The following FOXP1 variants were observed in gnomAD, a reference collection of about 807,000 sequenced individuals.
FOXP1 encodes forkhead box protein P1.
A neutral mutation model predicts 98.2 loss-of-function variants in FOXP1; 15 were observed. That is an observed-to-expected ratio of 0.15 (90% CI 0.10 to 0.24). The LOEUF (loss-of-function observed/expected upper bound fraction) is 0.24, where lower values mean the gene tolerates loss of function less well. Ranked by LOEUF, FOXP1 falls within the 10% of genes least tolerant of loss-of-function variation. The pLI, the probability that FOXP1 is intolerant of heterozygous loss-of-function variation, is 1.00. For missense variants in FOXP1, 633 were observed against 848.5 expected (o/e 0.75, Z 3.15); for synonymous variants, 371 against 314.5 (o/e 1.18, Z -1.90).
chr3:71,207,501 C>T (rs1036296024), intron 5 of FOXP1, among the ~76,000 whole-genome samples: 9 of 152,100 alleles, frequency 5.9e-5, no homozygotes, highest in African/African-American at 2.2e-4. Flanking sequence ...TAATTTTATC[C>T]TTCAAAAACT....
At chr3:71,309,717 C>CT (rs1385354053) in intron 4 of FOXP1, among the ~76,000 whole-genome samples, 1 of 152,152 alleles carries the variant, frequency 6.6e-6, no homozygotes, top group African/African-American at 2.4e-5. Flanking sequence ...AAACTAGCAT[C>CT]TTTTGAATTT....
intron 5 of FOXP1, among the ~76,000 whole-genome samples, chr3:71,261,879 C>G (rs953440460): frequency 6.6e-6 from 1 of 152,082 alleles, no homozygotes; most frequent in South Asian, 2.1e-4. Context: ...ACACAAGTTA[C>G]TTGGAAATAT....
intron 6 of FOXP1, among the ~76,000 whole-genome samples, chr3:71,192,069 T>TC (rs1185555387): frequency 6.6e-6 from 1 of 152,152 alleles, no homozygotes; most frequent in East Asian, 1.9e-4. Context: ...AATACCTTCT[T>TC]CTATGCCCCC....
intron 5 of FOXP1, among the ~76,000 whole-genome samples, chr3:71,216,433 G>A (rs1212533291): frequency 6.6e-6 from 1 of 152,194 alleles, no homozygotes; most frequent in African/African-American, 2.4e-5. Flanking sequence ...ACTCAAGAAT[G>A]TCCAAACAGA....
At chr3:70,979,539 A>G (rs1289131364) in intron 14 of FOXP1, among the ~76,000 whole-genome samples, 2 of 152,084 alleles carry the variant, frequency 1.3e-5, no homozygotes, top group Non-Finnish European at 2.9e-5. Flanking sequence ...CTAAAATCCA[A>G]TAAACTTCAG....
At chr3:70,977,605 C>T (rs766958126) in intron 16 of FOXP1, 38 bp downstream of exon 16, 4 of 1,502,244 alleles carry the variant, frequency 2.7e-6, no homozygotes. Flanking sequence ...ACACATATAC[C>T]TTCTGACAGA....
chr3:71,295,394 A>C (rs1277368314), intron 5 of FOXP1, among the ~76,000 whole-genome samples: 1 of 152,210 alleles, frequency 6.6e-6, no homozygotes, highest in African/African-American at 2.4e-5. Context: ...TTTTTCACCA[A>C]GAAATAATTT....
At chr3:70,999,539 C>T (rs1382546640) in intron 13 of FOXP1, among the ~76,000 whole-genome samples, 3 of 152,060 alleles carry the variant, frequency 2.0e-5, no homozygotes, top group African/African-American at 7.2e-5. Flanking sequence ...TTATGATGTG[C>T]CCTTTTCTTG....
chr3:70,979,279 CAAAAAAAA>C (rs544916383), intron 14 of FOXP1, among the ~76,000 whole-genome samples: 7 of 42,544 alleles, frequency 1.6e-4, no homozygotes, highest in African/African-American at 3.9e-4. Context: ...GACTCTACCT[CAAAAAAAA>C]AAAAAAAAAA....
At chr3:71,468,679 C>T (rs1436160653) in intron 3 of FOXP1, among the ~76,000 whole-genome samples, 1 of 152,204 alleles carries the variant, frequency 6.6e-6, no homozygotes, top group Non-Finnish European at 1.5e-5. Context: ...CCTCTACAGC[C>T]TTTCCCAAAT....
chr3:71,530,432 T>A (rs183486263), intron 2 of FOXP1, among the ~76,000 whole-genome samples: 53 of 152,234 alleles, frequency 3.5e-4, no homozygotes, highest in Admixed American at 3.3e-3. Flanking sequence ...AATAATAAAT[T>A]TCTTTCCTTT....
intron 3 of FOXP1, among the ~76,000 whole-genome samples, chr3:71,425,545 G>A (rs10511018): frequency 0.14 from 21,565 of 152,088 alleles, 1,817 homozygotes; most frequent in South Asian, 0.23. Flanking sequence ...ACTTCCTGGT[G>A]TATAACCGTC....
At chr3:71,565,677 A>G (rs1439619687) in intron 2 of FOXP1, among the ~76,000 whole-genome samples, 1 of 152,256 alleles carries the variant, frequency 6.6e-6, no homozygotes, top group African/African-American at 2.4e-5. Flanking sequence ...ATGCATAAAG[A>G]TGGCCCATTT....
At chr3:71,437,963 G>A (rs1340388650) in intron 3 of FOXP1, among the ~76,000 whole-genome samples, 1 of 152,040 alleles carries the variant, frequency 6.6e-6, no homozygotes, top group Non-Finnish European at 1.5e-5. Context: ...TGATGGGAGG[G>A]GTAGAAAATT....
intron 12 of FOXP1, among the ~76,000 whole-genome samples, chr3:71,012,679 T>C (rs770436823): frequency 4.6e-5 from 7 of 152,146 alleles, no homozygotes; most frequent in Non-Finnish European, 1.0e-4. Flanking sequence ...TATTACAATA[T>C]TTGTATCGGG....
chr3:70,986,885 G>C (rs531911444), intron 14 of FOXP1, among the ~76,000 whole-genome samples: 2 of 152,294 alleles, frequency 1.3e-5, no homozygotes, highest in South Asian at 4.1e-4. Flanking sequence ...CATCTTGGCA[G>C]GCTACCATAT....
chr3:70,987,293 A>C (rs1280727218), intron 14 of FOXP1, among the ~76,000 whole-genome samples: 1 of 152,264 alleles, frequency 6.6e-6, no homozygotes, highest in Non-Finnish European at 1.5e-5. Context: ...TTTTAGGTTC[A>C]GACACGATCC....
chr3:71,555,827 T>C (rs545871431), intron 2 of FOXP1, among the ~76,000 whole-genome samples: 1 of 152,286 alleles, frequency 6.6e-6, no homozygotes, highest in African/African-American at 2.4e-5. Flanking sequence ...TGCGATTTTT[T>C]AATAATCAAA....
At chr3:71,255,942 G>A (rs1252362929) in intron 5 of FOXP1, among the ~76,000 whole-genome samples, 1 of 152,070 alleles carries the variant, frequency 6.6e-6, no homozygotes, top group Non-Finnish European at 1.5e-5. Flanking sequence ...AAAAAAGACT[G>A]TCTTCCTGGT....
Sources: gnomAD v4.1 joint callset for allele counts (sites outside exome capture counted in the v4.1 genomes callset) on GRCh38, gnomAD v4.1.1 for gene constraint, MANE v1.5 for transcripts, NCBI Gene and HGNC (gene_info 2026-07-23, HGNC 2026-07-21) for gene names.